Variants in CABP4 observed in about 807,000 individuals in gnomAD.
The protein encoded by CABP4 is calcium binding protein 4.
In CABP4, 30 loss-of-function variants were observed where a neutral mutation model predicts 30.7. That is an observed-to-expected ratio of 0.98 (90% CI 0.73 to 1.33). The LOEUF is 1.33. Among genes scored for constraint, CABP4 ranks in the 40% most tolerant of loss-of-function variants. The pLI, the probability that CABP4 is intolerant of heterozygous loss-of-function variation, is 0.00. For missense variants in CABP4, 424 were observed against 395.5 expected, an observed-to-expected ratio of 1.07 and a Z score of -0.61; for synonymous variants, 161 against 159.2, an observed-to-expected ratio of 1.01 and a Z score of -0.08.
intron 3 of CABP4, 25 bp from the exon 4 acceptor site, chr11:67,457,548 T>A (rs1179339395): frequency 1.9e-5 from 30 of 1,553,516 alleles, no homozygotes; most frequent in African/African-American, 2.7e-5. Flanking sequence ...CCCTCACCAT[T>A]GTGACACTCT....
At chr11:67,456,081 T>G in intron 1 of CABP4, 107 bp from the exon 2 acceptor site, 1 of 1,605,370 alleles carries the variant, frequency 6.2e-7, no homozygotes, top group Non-Finnish European at 8.5e-7. Flanking sequence ...CTTTTCCTAC[T>G]CTGATGGGGC....
At chr11:67,454,610 C>T (rs191986254), upstream of CABP4, among the ~76,000 whole-genome samples, 173 of 152,304 alleles carry the variant, frequency 1.1e-3, 1 homozygote, top group Non-Finnish European at 2.0e-3. Context: ...AGCGCTAAGG[C>T]GGGTGGGCAG....
upstream of CABP4, among the ~76,000 whole-genome samples, chr11:67,454,752 T>C (rs762438529): frequency 9.0e-4 from 137 of 152,080 alleles, no homozygotes; most frequent in Non-Finnish European, 1.6e-3. Context: ...AGTCAGACCC[T>C]CCTCCCCAGG....
chr11:67,456,756 C>T (rs1306902197), intron 3 of CABP4, among the ~76,000 whole-genome samples: 1 of 152,220 alleles, frequency 6.6e-6, no homozygotes, highest in East Asian at 1.9e-4. Context: ...GGCCCAGAAG[C>T]CCCTGACTCA....
chr11:67,457,532 C>T (rs758596414), intron 3 of CABP4, 41 bp from the exon 4 acceptor site: 319 of 1,526,716 alleles, frequency 2.1e-4, no homozygotes, highest in Non-Finnish European at 2.7e-4. Context: ...GGCTTCAGAC[C>T]TTATGCCCTC....
chr11:67,457,915 T>G (rs189259650), intron 4 of CABP4, among the ~76,000 whole-genome samples: 51 of 152,046 alleles, frequency 3.4e-4, no homozygotes, highest in Non-Finnish European at 3.5e-4. Context: ...AAGGTGTGCA[T>G]GGGCAGAGAT....
At chr11:67,452,672 G>A, upstream of CABP4, 1 of 1,603,274 alleles carries the variant, frequency 6.2e-7, no homozygotes, top group Admixed American at 1.7e-5. Flanking sequence ...ATCAAGCTCT[G>A]TGCGGGGCCT....
chr11:67,455,363 G>A lies in CABP4; in HGVS notation c.-61G>A. 1.3e-6 allele frequency: 2 copies of A among 1,548,982 alleles called. No individual in the cohort carries two copies. Among genetic ancestry groups the A allele is most frequent in the Non-Finnish European group, 1.7e-6 (2 of 1,151,480 alleles). On this transcript the variant is annotated 5_prime_UTR_variant, in exon 1 of 6. Coordinates refer to ENST00000325656, the MANE Select transcript of CABP4 (RefSeq NM_145200.5). Reference sequence around the variant, plus strand: ...GTGGGGGTGCATAAGCAGCTTTATGGGTCCTGAAAGCCAAGGGTGCCCAGG... The same window carrying A: ...GTGGGGGTGCATAAGCAGCTTTATGAGTCCTGAAAGCCAAGGGTGCCCAGG...
upstream of CABP4, among the ~76,000 whole-genome samples, chr11:67,454,048 C>T (rs191336391): frequency 1.7e-4 from 26 of 152,290 alleles, no homozygotes; most frequent in Admixed American, 6.5e-4. Context: ...TCCACCCCAC[C>T]GCGGCCCTCT....
Position 67,455,379 on chromosome 11 carries a change from G to T in CABP4, c.-45G>T, listed in dbSNP as rs772523761. On this transcript the variant is annotated 5_prime_UTR_variant, in exon 1 of 6. Coordinates refer to ENST00000325656, the MANE Select transcript of CABP4 (RefSeq NM_145200.5). Reference sequence around the variant, plus strand: ...AGCTTTATGGGTCCTGAAAGCCAAGGGTGCCCAGGGGTGTGGTGTCTCTGA... The same window carrying T: ...AGCTTTATGGGTCCTGAAAGCCAAGTGTGCCCAGGGGTGTGGTGTCTCTGA... The T allele has an allele frequency of 6.4e-7, 1 of 1,566,768 alleles. No individual in the cohort carries two copies. Among genetic ancestry groups the T allele is most frequent in the Non-Finnish European group, 8.6e-7 (1 of 1,159,204 alleles).
In CABP4 at chr11:67,460,218, G is replaced by A. The variant is rs1864966514; in HGVS notation, c.*1559G>A. ...CTCATGCCTGGAATCCCAGCACTTTGGGAGGCCAAGGTGGGTGGGTTGCTT... is the reference window on the plus strand; with the variant it reads ...CTCATGCCTGGAATCCCAGCACTTTAGGAGGCCAAGGTGGGTGGGTTGCTT... On this transcript the variant is annotated 3_prime_UTR_variant, in exon 6 of 6. Coordinates refer to ENST00000325656, the MANE Select transcript of CABP4 (RefSeq NM_145200.5). 1 of 152,344 alleles carries A rather than the reference G, an allele frequency of 6.6e-6. No individual in the cohort carries two copies. The highest frequency in any genetic ancestry group is 6.5e-5 in the Admixed American group (1 of 15,276). The allele number at this position is 152,344 out of a possible 1,614,324, so 9.4% of individuals were successfully genotyped here.
At chr11:67,456,680 G>A (rs1591002287) in intron 3 of CABP4, among the ~76,000 whole-genome samples, 3 of 152,222 alleles carry the variant, frequency 2.0e-5, no homozygotes, top group Admixed American at 2.0e-4. Flanking sequence ...ACCCTGGCTC[G>A]GGATGTCTGT....
In CABP4 at chr11:67,455,615, C is replaced by T. The variant is rs1790765; in HGVS notation, c.192C>T (p.Pro64=). The change falls in exon 1 of 6, where the codon CCC becomes CCT. Residue 64 remains proline (P), a synonymous_variant. Transcript: ENST00000325656. ...GCAGCTCTGGGGAGCAGACAGGCCC[C>T]GAGGCCCCGGGGAGCAGCAATAACC... ...RTGSSGEQTG[P]EAPGSSNNPP... is the part of the protein sequence containing the mutation. 19,830 of 1,607,384 alleles carry T rather than the reference C, an allele frequency of 0.012. 1,780 individuals are homozygous for T. The African/African-American group carries it at 0.21, about 17-fold the overall frequency.
At chr11:67,455,858 C>A in intron 1 of CABP4, 69 bp downstream of exon 1, 2 of 1,517,098 alleles carry the variant, frequency 1.3e-6, no homozygotes, top group Non-Finnish European at 8.9e-7. Flanking sequence ...TTGGGCTCAG[C>A]TCACCCTGCC....
In CABP4 at chr11:67,459,195, TA is replaced by T. The variant is rs1168484516; in HGVS notation, c.*540del. The T allele has an allele frequency of 6.6e-6, 1 of 151,208 alleles. No homozygotes were observed. Among genetic ancestry groups the T allele is most frequent in the African/African-American group, 2.5e-5 (1 of 40,522 alleles). The allele number at this position is 151,208 out of a possible 1,614,324, so 9.4% of individuals were successfully genotyped here. On this transcript the variant is annotated 3_prime_UTR_variant, in exon 6 of 6. Transcript: ENST00000325656. ...CCCCATTCTCCACAAAAAGGAAAAATAAAAGACAAAAAAACAAACAAAAAAC... is the reference window on the plus strand; with the variant it reads ...CCCCATTCTCCACAAAAAGGAAAAATAAAGACAAAAAAACAAACAAAAAAC...
chr11:67,456,309 C>T lies in CABP4; in HGVS notation c.408C>T (p.Ala136=), dbSNP rs202001192. 1.8e-5 allele frequency: 29 copies of T among 1,613,862 alleles called. No individual in the cohort carries two copies. Among genetic ancestry groups the T allele is most frequent in the South Asian group, 4.4e-5 (4 of 91,072 alleles). Reference sequence around the variant, plus strand: ...CTCCCTCCTCCACAGAGCTTCAGGCCGCCTTCGAGGAGTTTGACACTGACC... The same window carrying T: ...CTCCCTCCTCCACAGAGCTTCAGGCTGCCTTCGAGGAGTTTGACACTGACC... ...LGPEELDELQ[A]AFEEFDTDRD... is the part of the protein sequence containing the mutation. Residue 136 remains alanine, a synonymous_variant, in exon 3 of 6, where the codon GCC becomes GCT. Transcript: ENST00000325656.
chr11:67,458,222 G>T, intron 4 of CABP4, 149 bp from the exon 5 acceptor site: 1 of 574,420 alleles, frequency 1.7e-6, no homozygotes, highest in Non-Finnish European at 2.4e-6. Context: ...TTGCGTCACT[G>T]CACTCCAGCC....
upstream of CABP4, chr11:67,452,679 G>C (rs1864605765): frequency 6.3e-7 from 1 of 1,598,676 alleles, no homozygotes; most frequent in Non-Finnish European, 8.5e-7. Context: ...TCTGTGCGGG[G>C]CCTGTGGCCA....
chr11:67,455,649 A>T lies in CABP4; in HGVS notation c.226A>T (p.Thr76Ser), dbSNP rs368363344. The change falls in exon 1 of 6, where the codon ACT becomes TCT. Residue 76 changes from threonine to serine, a missense_variant. Transcript: ENST00000325656. Reference sequence around the variant, plus strand: ...GGGGAGCAGCAATAACCCTCCCAGCACTGGAGAGGGGCCGGCGGGCGCACC... The same window carrying T: ...GGGGAGCAGCAATAACCCTCCCAGCTCTGGAGAGGGGCCGGCGGGCGCACC... Reference protein sequence around the residue: ...APGSSNNPPSTGEGPAGAPPA... With the variant: ...APGSSNNPPSSGEGPAGAPPA... The T allele has an allele frequency of 3.1e-6, 5 of 1,610,248 alleles. No homozygotes were observed. Among genetic ancestry groups the T allele is most frequent in the Non-Finnish European group, 4.2e-6 (5 of 1,179,312 alleles).
Sources: gnomAD v4.1 joint callset for allele counts (sites outside exome capture counted in the v4.1 genomes callset) on GRCh38, gnomAD v4.1.1 for gene constraint, MANE v1.5 for transcripts, NCBI Gene and HGNC (gene_info 2026-07-23, HGNC 2026-07-21) for gene names.